The following NCOA1 variants were observed in gnomAD, a reference collection of about 807,000 sequenced individuals.
NCOA1 encodes the protein nuclear receptor coactivator 1.
NCOA1 carries 35 observed loss-of-function variants against 150.9 expected under a neutral mutation model. The observed-to-expected ratio is 0.23, with a 90% CI of 0.18 to 0.31. The LOEUF (loss-of-function observed/expected upper bound fraction) is 0.31. Among genes scored for constraint, NCOA1 ranks in the 10% least tolerant of loss-of-function variants. NCOA1 has a pLI of 1.00. For missense variants in NCOA1, 1,491 were observed against 1,749.3 expected, an observed-to-expected ratio of 0.85 and a Z score of 2.63; for synonymous variants, 590 against 630.0, an observed-to-expected ratio of 0.94 and a Z score of 0.95.
At chr2:24,604,690 T>G (rs765492549) in intron 3 of NCOA1, among the ~76,000 whole-genome samples, 2 of 152,208 alleles carry the variant, frequency 1.3e-5, no homozygotes, top group African/African-American at 2.4e-5. Context: ...CTGTAGCTGG[T>G]TTGATCTATC....
At chr2:24,668,200 C>T (rs1034167229) in intron 6 of NCOA1, among the ~76,000 whole-genome samples, 1 of 151,972 alleles carries the variant, frequency 6.6e-6, no homozygotes, top group Non-Finnish European at 1.5e-5. Context: ...GGAAGTCTAA[C>T]ATATGATTAA....
chr2:24,575,766 G>A (rs1161740951), intron 2 of NCOA1, among the ~76,000 whole-genome samples: 2 of 151,834 alleles, frequency 1.3e-5, no homozygotes, highest in Non-Finnish European at 2.9e-5. Flanking sequence ...GTAGAGACGG[G>A]GTTTCACTGT....
chr2:24,572,297 A>G (rs540287113), intron 2 of NCOA1, among the ~76,000 whole-genome samples: 45 of 152,212 alleles, frequency 3.0e-4, no homozygotes, highest in African/African-American at 1.0e-3. Flanking sequence ...TCTGCAAGGA[A>G]CTTTTTAATG....
At position 24,658,654 on chromosome 2, in the gene NCOA1, T is replaced by C; in HGVS notation, c.-17-7T>C. Reference sequence around the variant, plus strand: ...GTAGATTTCTTACTGTTGTCCTTCCTGTTTAGGTGTGAAGTTTTTCAACAT... The same window carrying C: ...GTAGATTTCTTACTGTTGTCCTTCCCGTTTAGGTGTGAAGTTTTTCAACAT... On this transcript the variant is annotated splice_polypyrimidine_tract_variant and splice_region_variant and intron_variant, in intron 4 of 22. Transcript: ENST00000348332. The C allele has an allele frequency of 6.2e-7, 1 of 1,604,590 alleles. No individual in the cohort carries two copies. The highest frequency in any genetic ancestry group is 1.7e-4 in the Middle Eastern group (1 of 6,036).
At chr2:24,761,472 A>G (rs367740338) in intron 21 of NCOA1, among the ~76,000 whole-genome samples, 1 of 152,102 alleles carries the variant, frequency 6.6e-6, no homozygotes, top group African/African-American at 2.4e-5. Flanking sequence ...TATATCTTCC[A>G]TATCTCCAAC....
rs201386726 is a variant in NCOA1, at chr2:24,768,541, A to G, written c.*150A>G. ...CAAAAAAAAAAAAAAAAAAAAAAAA[A>G]GGAGTTTGCTTTTGTCGGGAGATTG... On this transcript the variant is annotated 3_prime_UTR_variant, in exon 23 of 23. Transcript: ENST00000348332. 1 of 539,440 alleles carries G rather than the reference A, an allele frequency of 1.9e-6. No individual in the cohort carries two copies. Among genetic ancestry groups the G allele is most frequent in the Non-Finnish European group, 2.8e-6 (1 of 360,194 alleles). The allele number at this position is 539,440 out of a possible 1,614,324, so 33.4% of individuals were successfully genotyped here.
intron 3 of NCOA1, among the ~76,000 whole-genome samples, chr2:24,600,966 T>C (rs1478236903): frequency 6.6e-6 from 1 of 152,360 alleles, no homozygotes; most frequent in African/African-American, 2.4e-5. Context: ...TTTTCAGTGT[T>C]TCAGTACATG....
At chr2:24,632,484 G>A (rs560861731) in intron 3 of NCOA1, among the ~76,000 whole-genome samples, 83 of 152,282 alleles carry the variant, frequency 5.5e-4, no homozygotes, top group African/African-American at 1.9e-3. Flanking sequence ...CCATCTTATA[G>A]GTTAAAACAG....
intron 1 of NCOA1, among the ~76,000 whole-genome samples, chr2:24,509,749 T>C (rs1663853461): frequency 6.6e-6 from 1 of 152,180 alleles, no homozygotes; most frequent in Non-Finnish European, 1.5e-5. Flanking sequence ...TTAGTACAGA[T>C]GGGTTTAACA....
At chr2:24,600,056 C>T (rs1453367764) in intron 3 of NCOA1, among the ~76,000 whole-genome samples, 1 of 152,052 alleles carries the variant, frequency 6.6e-6, no homozygotes, top group African/African-American at 2.4e-5. Context: ...AGCCTTAGTC[C>T]TATTATATAA....
intron 5 of NCOA1, among the ~76,000 whole-genome samples, chr2:24,660,209 C>T (rs1671118913): frequency 6.6e-6 from 1 of 152,108 alleles, no homozygotes; most frequent in African/African-American, 2.4e-5. Flanking sequence ...TGTATAAAAT[C>T]AGTCCTTAAA....
intron 3 of NCOA1, among the ~76,000 whole-genome samples, chr2:24,592,841 G>T (rs768701349): frequency 6.6e-6 from 1 of 151,960 alleles, no homozygotes; most frequent in East Asian, 1.9e-4. Flanking sequence ...TAACAGTAAC[G>T]TAGTACCTGG....
intron 3 of NCOA1, among the ~76,000 whole-genome samples, chr2:24,602,613 TAAA>T (rs1262856824): frequency 1.3e-5 from 2 of 151,090 alleles, no homozygotes; most frequent in Non-Finnish European, 2.9e-5. Context: ...TTTTGGCTAA[TAAA>T]TAAGTAAGGT....
chr2:24,608,705 T>G (rs1668483772), intron 3 of NCOA1, among the ~76,000 whole-genome samples: 1 of 18,994 alleles, frequency 5.3e-5, no homozygotes, highest in African/African-American at 1.7e-4. Context: ...TGTTGTTGTG[T>G]TTTTTTTTTT....
intron 19 of NCOA1, among the ~76,000 whole-genome samples, chr2:24,743,311 A>C (rs946813340): frequency 6.6e-6 from 1 of 152,278 alleles, no homozygotes; most frequent in Non-Finnish European, 1.5e-5. Context: ...CAGTATGCTT[A>C]TCAGTTTTGA....
At chr2:24,633,603 T>C (rs1669802538) in intron 3 of NCOA1, among the ~76,000 whole-genome samples, 1 of 152,224 alleles carries the variant, frequency 6.6e-6, no homozygotes, top group African/African-American at 2.4e-5. Context: ...CTTAGATGCC[T>C]AGGCTCCATA....
At chr2:24,666,513 A>G (rs1671436435) in intron 6 of NCOA1, among the ~76,000 whole-genome samples, 1 of 152,154 alleles carries the variant, frequency 6.6e-6, no homozygotes, top group Non-Finnish European at 1.5e-5. Flanking sequence ...AGAAGACACA[A>G]GTTGTGGAGT....
At chr2:24,716,539 CA>C (rs908050380) in intron 14 of NCOA1, among the ~76,000 whole-genome samples, 1 of 151,924 alleles carries the variant, frequency 6.6e-6, no homozygotes, top group African/African-American at 2.4e-5. Context: ...ATCCCATACA[CA>C]AAAAAATGAA....
At position 24,548,338 on chromosome 2, in the gene NCOA1, A is replaced by G. The variant is rs542482263; in HGVS notation, c.-395-15957A>G. On this transcript the variant is annotated intron_variant, in intron 1 of 22. Transcript: ENST00000348332. ...ATTTATTCACTACCACGAGAACAGCATGGGAAAAGACCTGCTCCTGTGATT... is the reference window on the plus strand; with the variant it reads ...ATTTATTCACTACCACGAGAACAGCGTGGGAAAAGACCTGCTCCTGTGATT... Among the ~76,000 whole-genome samples the G allele has an allele frequency of 3.9e-4, 60 of 152,354 alleles. No homozygotes were observed. In the East Asian group the frequency reaches 0.01, roughly 26 times the overall value.
Sources: gnomAD v4.1 joint callset for allele counts (sites outside exome capture counted in the v4.1 genomes callset) on GRCh38, gnomAD v4.1.1 for gene constraint, MANE v1.5 for transcripts, NCBI Gene and HGNC (gene_info 2026-07-23, HGNC 2026-07-21) for gene names.